GRAMD4: variants seen among roughly 807,000 people sequenced by gnomAD.
GRAMD4 encodes the protein GRAM domain-containing protein 4.
Under a neutral mutation model 83.9 loss-of-function variants are expected in GRAMD4, and 25 were observed. The observed-to-expected ratio is 0.30, with a 90% CI of 0.22 to 0.42. The LOEUF (loss-of-function observed/expected upper bound fraction) is 0.42. Among genes scored for constraint, GRAMD4 ranks in the 10% least tolerant of loss-of-function variants. GRAMD4 has a pLI of 1.00. For missense variants in GRAMD4, 593 were observed against 788.7 expected (o/e 0.75, Z 2.97); for synonymous variants, 336 against 320.9 (o/e 1.05, Z -0.50).
intron 1 of GRAMD4, among the ~76,000 whole-genome samples, chr22:46,613,111 C>A (rs757401431): frequency 2.6e-5 from 4 of 152,224 alleles, no homozygotes; most frequent in Non-Finnish European, 1.5e-5. Context: ...ATGTATGGGG[C>A]GTGAGAGCAG....
intron 1 of GRAMD4, among the ~76,000 whole-genome samples, chr22:46,599,267 G>C (rs937699203): frequency 6.6e-6 from 1 of 152,094 alleles, no homozygotes; most frequent in Non-Finnish European, 1.5e-5. Flanking sequence ...CAGATGGCTC[G>C]TGATTTTTCA....
chr22:46,614,449 G>C (rs955167029), intron 1 of GRAMD4, among the ~76,000 whole-genome samples: 1 of 152,252 alleles, frequency 6.6e-6, no homozygotes, highest in Non-Finnish European at 1.5e-5. Flanking sequence ...TTGGAAAGCA[G>C]CTACCTTATT....
At chr22:46,632,149 TGG>T (rs1031056195) in intron 2 of GRAMD4, among the ~76,000 whole-genome samples, 2 of 152,090 alleles carry the variant, frequency 1.3e-5, no homozygotes, top group African/African-American at 4.8e-5. Flanking sequence ...CAGACCTGCT[TGG>T]GAGGGGAAGG....
chr22:46,647,611 T>C (rs755874674), intron 3 of GRAMD4, among the ~76,000 whole-genome samples: 5 of 152,242 alleles, frequency 3.3e-5, no homozygotes, highest in Admixed American at 6.5e-5. Flanking sequence ...GGGTCCAGCA[T>C]TGTCGTCTGA....
At position 46,658,317 on chromosome 22, in the gene GRAMD4, C is replaced by T. The variant is rs2082274688; in HGVS notation, c.404+10C>T. The T allele has an allele frequency of 6.3e-7, 1 of 1,598,740 alleles. No homozygotes were observed. Among genetic ancestry groups the T allele is most frequent in the African/African-American group, 1.3e-5 (1 of 74,606 alleles). ...AGGTGCTGAAGGCCAGGTACCGCGCCTTCCTCGGGGCCCTGGCCTGTGTGC... is the reference window on the plus strand; with the variant it reads ...AGGTGCTGAAGGCCAGGTACCGCGCTTTCCTCGGGGCCCTGGCCTGTGTGC... On this transcript the variant is annotated intron_variant, in intron 4 of 18. Transcript: ENST00000406902.
intron 2 of GRAMD4, among the ~76,000 whole-genome samples, chr22:46,636,447 A>C (rs1453057094): frequency 6.6e-6 from 1 of 152,218 alleles, no homozygotes; most frequent in Non-Finnish European, 1.5e-5. Flanking sequence ...GGGCACCCAG[A>C]ACGGGGCAGC....
rs1445718605 is a variant in GRAMD4 at position 46,600,437 on chromosome 22, C to A, written c.-50+23147C>A. On this transcript the variant is annotated intron_variant, in intron 1 of 1. Transcript: ENST00000431155. ...CGTGGTGCTTTTTCACCCTCCACGC[C>A]TCCTTCTGCTTCCCTTGTGGCTTCA... is the stretch of plus-strand genomic sequence containing the variant. Among the ~76,000 whole-genome samples, 6 of 152,322 alleles carry A rather than the reference C, an allele frequency of 3.9e-5. No individual in the cohort carries two copies. The East Asian group carries it at 1.2e-3, about 29-fold the overall frequency.
intron 3 of GRAMD4, among the ~76,000 whole-genome samples, chr22:46,648,401 A>C (rs1341599346): frequency 7.0e-6 from 1 of 143,078 alleles, no homozygotes; most frequent in Non-Finnish European, 1.5e-5. Context: ...TGAATGGCAG[A>C]GGGATGGGTA....
At chr22:46,588,191 C>G (rs1171903498) in intron 1 of GRAMD4, among the ~76,000 whole-genome samples, 1 of 152,068 alleles carries the variant, frequency 6.6e-6, no homozygotes, top group African/African-American at 2.4e-5. Context: ...CCCCAGCCAC[C>G]CCATCTGCTT....
intron 13 of GRAMD4, among the ~76,000 whole-genome samples, chr22:46,671,371 C>T (rs2542030): frequency 0.021 from 3,177 of 152,266 alleles, 104 homozygotes; most frequent in African/African-American, 0.071. Flanking sequence ...GGTGAAACCC[C>T]GTCTCTACCA....
chr22:46,602,597 G>T (rs1342325525), intron 1 of GRAMD4, among the ~76,000 whole-genome samples: 1 of 151,800 alleles, frequency 6.6e-6, no homozygotes, highest in Non-Finnish European at 1.5e-5. Context: ...GGGAGGTCGA[G>T]ACTGCGGTGA....
At chr22:46,601,934 C>T (rs2081315708) in intron 1 of GRAMD4, among the ~76,000 whole-genome samples, 1 of 152,212 alleles carries the variant, frequency 6.6e-6, no homozygotes, top group African/African-American at 2.4e-5. Flanking sequence ...TCCATTGGTC[C>T]TGCTTCCATG....
Position 46,621,676 on chromosome 22 carries a change from G to A in GRAMD4, c.-50+1111G>A, listed in dbSNP as rs907157101. Among the ~76,000 whole-genome samples, 3 of 142,642 alleles carry A rather than the reference G, an allele frequency of 2.1e-5. No homozygotes were observed. The highest frequency in any genetic ancestry group is 7.9e-5 in the African/African-American group (3 of 37,936). 93.6% of individuals were successfully genotyped at this position (142,642 alleles called of 152,430 possible). Reference sequence around the variant, plus strand: ...GTGTCGCGGAGGGCACCCCTACCCCGGTGCAGGCACAGGCTGGAGGCGTAG... The same window carrying A: ...GTGTCGCGGAGGGCACCCCTACCCCAGTGCAGGCACAGGCTGGAGGCGTAG... On this transcript the variant is annotated intron_variant, in intron 1 of 18. Coordinates refer to ENST00000406902, the MANE Select transcript of GRAMD4 (RefSeq NM_015124.5). The surrounding 1 kb of genome is among the most constrained non-coding windows in gnomAD (Gnocchi z 5.8).
intron 1 of GRAMD4, among the ~76,000 whole-genome samples, chr22:46,610,721 C>T (rs952152058): frequency 6.6e-6 from 1 of 152,204 alleles, no homozygotes; most frequent in African/African-American, 2.4e-5. Context: ...TTCCTTTCGG[C>T]CATCTCATTG....
intron 3 of GRAMD4, among the ~76,000 whole-genome samples, chr22:46,653,285 C>T (rs1023466352): frequency 1.3e-5 from 2 of 152,186 alleles, no homozygotes; most frequent in African/African-American, 4.8e-5. Context: ...GCGAGCATGG[C>T]GGGGCTCTGG....
chr22:46,648,056 A>G (rs977614113), intron 3 of GRAMD4, among the ~76,000 whole-genome samples: 15 of 152,182 alleles, frequency 9.9e-5, no homozygotes, highest in Admixed American at 5.2e-4. Flanking sequence ...GCACAACTTT[A>G]TGTGTGTCTA....
rs796709045 is a variant in GRAMD4 at position 46,648,943 on chromosome 22, G to C, written c.284-9244G>C. Among the ~76,000 whole-genome samples the C allele has an allele frequency of 6.5e-3, 556 of 85,328 alleles. 29 individuals are homozygous for C. Among genetic ancestry groups the C allele is most frequent in the African/African-American group, 0.022 (445 of 19,912 alleles). 56.0% of individuals were successfully genotyped at this position (85,328 alleles called of 152,430 possible). A position where few individuals can be genotyped will look rare whatever the true frequency, so the allele number is the denominator to read the frequency against. On this transcript the variant is annotated intron_variant, in intron 3 of 18. Transcript: ENST00000406902. ...GGATGGATGGATGGATGCATGGATG[G>C]ATGGATGGATGGATGGATGGATGGA...
Position 46,621,158 on chromosome 22 carries a change from G to A in GRAMD4, c.-50+593G>A, listed in dbSNP as rs73469113. Among the ~76,000 whole-genome samples the A allele has an allele frequency of 3.9e-5, 6 of 152,144 alleles. No homozygotes were observed. The highest frequency in any genetic ancestry group is 1.3e-4 in the Admixed American group (2 of 15,274). ...GATGCGCGGCTGCAGCACGCAGGAC[G>A]GAAGGTGCAGGTGAGACGCAGGTGG... is the stretch of plus-strand genomic sequence containing the variant. On this transcript the variant is annotated intron_variant, in intron 1 of 18. Coordinates refer to ENST00000406902, the MANE Select transcript of GRAMD4 (RefSeq NM_015124.5). This position sits in a 1 kb window ranked among gnomAD's most constrained non-coding sequence, Gnocchi z 5.8.
intron 1 of GRAMD4, among the ~76,000 whole-genome samples, chr22:46,604,363 C>T (rs560065505): frequency 4.0e-5 from 6 of 151,448 alleles, no homozygotes; most frequent in East Asian, 1.9e-4. Flanking sequence ...GATCGGTTTT[C>T]TCTCTCTCTC....
Sources: gnomAD v4.1 joint callset for allele counts (sites outside exome capture counted in the v4.1 genomes callset) on GRCh38, gnomAD v4.1.1 for gene constraint, Gnocchi (gnomAD v3.1) non-coding constraint, MANE v1.5 for transcripts, NCBI Gene and HGNC (gene_info 2026-07-23, HGNC 2026-07-21) for gene names.